SATB2: variants seen among roughly 807,000 people sequenced by gnomAD.
The protein encoded by SATB2 is SATB homeobox 2.
In SATB2, 1 loss-of-function variant was observed where a neutral mutation model predicts 73.4. The ratio of observed to expected loss-of-function variants is 0.01; its 90% CI spans 0.00 to 0.06. The LOEUF is 0.06. Ranked by LOEUF, SATB2 falls within the 10% of genes least tolerant of loss-of-function variation. The pLI is 1.00. For synonymous variants in SATB2, 397 were observed against 367.0 expected (o/e 1.08, Z -0.93); for missense variants, 459 against 945.8 (o/e 0.49, Z 6.75).
intron 3 of SATB2, among the ~76,000 whole-genome samples, chr2:199,409,167 C>CTTTTTTT (rs67330007): frequency 2.7e-4 from 31 of 115,230 alleles, no homozygotes; most frequent in Non-Finnish European, 4.5e-4. Flanking sequence ...TTTTTCTTTT[C>CTTTTTTT]TTTTTTTTTT....
intron 3 of SATB2, among the ~76,000 whole-genome samples, chr2:199,427,885 G>A (rs1486668080): frequency 6.6e-6 from 1 of 152,038 alleles, no homozygotes; most frequent in Non-Finnish European, 1.5e-5. Context: ...ATTGTAAAGA[G>A]ATAGTACATT....
intron 10 of SATB2, among the ~76,000 whole-genome samples, chr2:199,306,355 CGTTAAAGAAAT>C (rs1687432234): frequency 6.6e-6 from 1 of 152,046 alleles, no homozygotes; most frequent in Non-Finnish European, 1.5e-5. Context: ...ATAGGCATAA[CGTTAAAGAAAT>C]GTGACGTGCT....
At chr2:199,309,423 T>G (rs952602248) in intron 9 of SATB2, among the ~76,000 whole-genome samples, 3 of 152,250 alleles carry the variant, frequency 2.0e-5, no homozygotes, top group Non-Finnish European at 2.9e-5. Flanking sequence ...GGAAATATTC[T>G]TAAAATTATC....
intron 2 of SATB2, among the ~76,000 whole-genome samples, chr2:199,437,814 A>G (rs530937860): frequency 6.6e-6 from 1 of 152,346 alleles, no homozygotes; most frequent in Non-Finnish European, 1.5e-5. Flanking sequence ...ATTAACCAGT[A>G]ATTTTTTTCA....
intron 2 of SATB2, among the ~76,000 whole-genome samples, chr2:199,441,039 G>A (rs1161472298): frequency 6.6e-6 from 1 of 151,898 alleles, no homozygotes; most frequent in Non-Finnish European, 1.5e-5. Context: ...TAGAGACAGG[G>A]TTTCTCCATG....
At chr2:199,294,909 CTT>C (rs776237630) in intron 10 of SATB2, among the ~76,000 whole-genome samples, 4 of 152,064 alleles carry the variant, frequency 2.6e-5, no homozygotes, top group Non-Finnish European at 4.4e-5. Flanking sequence ...AAAATTGACT[CTT>C]AATTTTTGAG....
At chr2:199,352,695 C>G (rs1688854812) in intron 6 of SATB2, among the ~76,000 whole-genome samples, 1 of 152,160 alleles carries the variant, frequency 6.6e-6, no homozygotes, top group Non-Finnish European at 1.5e-5. Context: ...TGCAGAAGAA[C>G]TAGGTGGAGG....
At chr2:199,342,172 G>A (rs769261245) in intron 7 of SATB2, among the ~76,000 whole-genome samples, 18 of 152,066 alleles carry the variant, frequency 1.2e-4, no homozygotes, top group Admixed American at 4.6e-4. Context: ...GCCGGGGAGC[G>A]GGGAGGCGGG....
At chr2:199,334,547 C>A (rs548260113) in intron 7 of SATB2, among the ~76,000 whole-genome samples, 2 of 152,062 alleles carry the variant, frequency 1.3e-5, no homozygotes, top group African/African-American at 4.8e-5. Context: ...TAACCTATCA[C>A]GTTTCCCTTG....
chr2:199,430,106 A>G (rs1050123914), intron 3 of SATB2, among the ~76,000 whole-genome samples: 1 of 152,162 alleles, frequency 6.6e-6, no homozygotes, highest in African/African-American at 2.4e-5. Context: ...CTACTCAACC[A>G]GTGGACTCCA....
At chr2:199,280,850 C>T (rs1692467380) in intron 10 of SATB2, among the ~76,000 whole-genome samples, 1 of 152,190 alleles carries the variant, frequency 6.6e-6, no homozygotes, top group Non-Finnish European at 1.5e-5. Context: ...CCTCCATTTA[C>T]CTTGTGATAT....
chr2:199,446,204 A>G (rs1020276660), intron 2 of SATB2, among the ~76,000 whole-genome samples: 3 of 152,230 alleles, frequency 2.0e-5, no homozygotes, highest in Non-Finnish European at 4.4e-5. Flanking sequence ...ATAAGTTTCA[A>G]CTGTCATGCA....
intron 10 of SATB2, among the ~76,000 whole-genome samples, chr2:199,285,386 T>C (rs1259328957): frequency 6.6e-6 from 1 of 152,008 alleles, no homozygotes; most frequent in Non-Finnish European, 1.5e-5. Context: ...ACAAAGACAT[T>C]TTCACAGGCA....
intron 7 of SATB2, among the ~76,000 whole-genome samples, chr2:199,329,637 A>G (rs1574511821): frequency 6.6e-6 from 1 of 152,148 alleles, no homozygotes; most frequent in African/African-American, 2.4e-5. Flanking sequence ...GCACACTGTA[A>G]TAACAGTGTG....
chr2:199,278,034 A>T (rs542542747), intron 10 of SATB2, among the ~76,000 whole-genome samples: 2 of 152,306 alleles, frequency 1.3e-5, no homozygotes, highest in South Asian at 4.1e-4. Context: ...AGAGTAGAGG[A>T]GATAGATCGT....
At chr2:199,355,736 A>G (rs73067530) in intron 6 of SATB2, among the ~76,000 whole-genome samples, 2,725 of 152,268 alleles carry the variant, frequency 0.018, 85 homozygotes, top group African/African-American at 0.061. Context: ...GTACCGTTTT[A>G]AAACAATTAT....
In SATB2 at chr2:199,272,745, A is replaced by T. The variant is rs985999120; in HGVS notation, c.1741-73T>A. On this transcript the variant is annotated intron_variant, in intron 10 of 10. Coordinates refer to ENST00000417098, the MANE Select transcript of SATB2 (RefSeq NM_001172509.2). This position sits in a 1 kb window ranked among gnomAD's most constrained non-coding sequence, Gnocchi z 6.7. Reference sequence around the variant, plus strand: ...CTTTCCAAAACCATCAGCCCTCTGAAATATGTGTTATCTATCTAGCACTGG... The same window carrying T: ...CTTTCCAAAACCATCAGCCCTCTGATATATGTGTTATCTATCTAGCACTGG... 8 of 1,346,424 alleles carry T rather than the reference A, an allele frequency of 5.9e-6. No homozygotes were observed. The Admixed American group carries it at 1.0e-4, about 17-fold the overall frequency. 83.4% of individuals were successfully genotyped at this position (1,346,424 alleles called of 1,614,324 possible). A position where few individuals can be genotyped will look rare whatever the true frequency, so the allele number is the denominator to read the frequency against.
intron 10 of SATB2, among the ~76,000 whole-genome samples, chr2:199,274,921 C>T (rs547699544): frequency 6.6e-6 from 1 of 152,178 alleles, no homozygotes; most frequent in Admixed American, 6.5e-5. Flanking sequence ...GCAGTATGAG[C>T]ACTGCAATAA....
At chr2:199,318,710 A>G (rs1482028437) in intron 9 of SATB2, among the ~76,000 whole-genome samples, 1 of 152,044 alleles carries the variant, frequency 6.6e-6, no homozygotes, top group Admixed American at 6.6e-5. Flanking sequence ...CAAAATATAA[A>G]TTATTTCTTT....
Sources: gnomAD v4.1 joint callset for allele counts (sites outside exome capture counted in the v4.1 genomes callset) on GRCh38, gnomAD v4.1.1 for gene constraint, Gnocchi (gnomAD v3.1) non-coding constraint, MANE v1.5 for transcripts, NCBI Gene and HGNC (gene_info 2026-07-23, HGNC 2026-07-21) for gene names.